DIAPH2: variants seen among roughly 807,000 people sequenced by gnomAD.
DIAPH2 encodes protein diaphanous homolog 2.
A neutral mutation model predicts 92.7 loss-of-function variants in DIAPH2; 35 were observed. That is an observed-to-expected ratio of 0.38 (90% CI 0.29 to 0.50). DIAPH2 has a LOEUF of 0.50. DIAPH2 is among the 20% of genes least tolerant of loss of function. The probability of loss-of-function intolerance (pLI) is 0.94; values close to 1 mark genes in which losing one functional copy is unlikely to be tolerated. For synonymous variants in DIAPH2, 301 were observed against 280.4 expected (o/e 1.07, Z -0.73); for missense variants, 701 against 819.5 (o/e 0.86, Z 1.77).
chrX:97,102,547 T>G (rs1199045661), intron 20 of DIAPH2, among the ~76,000 whole-genome samples: 1 of 112,243 alleles, frequency 8.9e-6, no homozygotes, highest in Non-Finnish European at 1.9e-5. Context: ...TATTGAGGAC[T>G]TAATTTGTCA....
intron 26 of DIAPH2, chrX:97,431,497 G>A (rs2070126524): frequency 8.9e-6 from 1 of 112,230 alleles, no homozygotes; most frequent in Non-Finnish European, 1.9e-5. Flanking sequence ...CTGTGAGTTT[G>A]GTACTCAAGG....
In DIAPH2 at chrX:97,429,633, T is replaced by C; in HGVS notation, c.3146-17T>C. 1.7e-6 allele frequency: 2 copies of C among 1,199,650 alleles called. No homozygotes were observed. Among genetic ancestry groups the C allele is most frequent in the Admixed American group, 2.3e-5 (1 of 43,241 alleles). ...TTAATTGCTCCAAGATTAATTCTGA[T>C]TTCTCCCTTTCTCCAGAGGGTGATG... On this transcript the variant is annotated splice_polypyrimidine_tract_variant and intron_variant, in intron 25 of 26. Coordinates refer to ENST00000324765, the MANE Select transcript of DIAPH2 (RefSeq NM_006729.5).
At chrX:97,465,034 A>T (rs2070497788) in intron 26 of DIAPH2, among the ~76,000 whole-genome samples, 1 of 110,734 alleles carries the variant, frequency 9.0e-6, no homozygotes, top group African/African-American at 3.3e-5. Context: ...TTTAGTAGAG[A>T]CAGGGTTTCT....
At chrX:97,355,243 G>T (rs1025511532) in intron 24 of DIAPH2, among the ~76,000 whole-genome samples, 3 of 111,160 alleles carry the variant, frequency 2.7e-5, no homozygotes, top group Admixed American at 9.6e-5. Flanking sequence ...AGGCTTGAAA[G>T]ACTAAATTGA....
intron 3 of DIAPH2, among the ~76,000 whole-genome samples, chrX:96,744,027 A>G (rs1237064932): frequency 8.9e-6 from 1 of 112,080 alleles, no homozygotes. Context: ...GTATAATATA[A>G]TAGGATATCA....
chrX:97,061,103 A>G (rs2066594310), intron 17 of DIAPH2, among the ~76,000 whole-genome samples: 1 of 112,514 alleles, frequency 8.9e-6, no homozygotes, highest in African/African-American at 3.2e-5. Context: ...GACTCCATTT[A>G]CTTTGATAAA....
At chrX:96,917,410 A>G (rs1317259832) in intron 8 of DIAPH2, among the ~76,000 whole-genome samples, 3 of 111,384 alleles carry the variant, frequency 2.7e-5, no homozygotes, top group Non-Finnish European at 5.7e-5. Context: ...CAAAAGACAA[A>G]CACTAAACAA....
chrX:97,018,190 TA>T (rs1179226024), intron 17 of DIAPH2, among the ~76,000 whole-genome samples: 1 of 112,409 alleles, frequency 8.9e-6, no homozygotes. Context: ...TTATTTTAAA[TA>T]AAGTGCAGCT....
chrX:96,900,412 G>A (rs1056991592), intron 5 of DIAPH2, among the ~76,000 whole-genome samples: 5 of 111,108 alleles, frequency 4.5e-5, no homozygotes, highest in Admixed American at 1.9e-4. Flanking sequence ...CATATCATCA[G>A]CAAACAGTAA....
At chrX:97,301,150 CAAAAA>C (rs1220185711) in intron 23 of DIAPH2, among the ~76,000 whole-genome samples, 1 of 32,278 alleles carries the variant, frequency 3.1e-5, no homozygotes, top group African/African-American at 1.1e-4. Flanking sequence ...GACTCCGTCT[CAAAAA>C]AAAAAAAAAA....
intron 1 of DIAPH2, among the ~76,000 whole-genome samples, chrX:96,722,434 T>C (rs1332493266): frequency 1.8e-5 from 2 of 111,529 alleles, no homozygotes; most frequent in African/African-American, 6.5e-5. Flanking sequence ...CTTGTCCCTG[T>C]TTCCTTCCCT....
chrX:97,137,270 CATATATATATATATATATATATAT>C (rs57799375), intron 21 of DIAPH2, among the ~76,000 whole-genome samples: 2 of 68,264 alleles, frequency 2.9e-5, no homozygotes, highest in African/African-American at 1.3e-4. Context: ...CGCAGTTATA[CATATATATATATATATATATATAT>C]ATATATATGT....
intron 17 of DIAPH2, among the ~76,000 whole-genome samples, chrX:96,992,313 A>G (rs1277083296): frequency 9.0e-6 from 1 of 111,669 alleles, no homozygotes; most frequent in Non-Finnish European, 1.9e-5. Context: ...TGAAAAGGTG[A>G]TTGGGCAAAG....
intron 17 of DIAPH2, among the ~76,000 whole-genome samples, chrX:97,018,179 A>C (rs1250696007): frequency 8.9e-6 from 1 of 112,225 alleles, no homozygotes; most frequent in Non-Finnish European, 1.9e-5. Flanking sequence ...CAGTTGATTA[A>C]TTATTTTAAA....
chrX:97,323,947 G>T (rs2068928963), intron 23 of DIAPH2, among the ~76,000 whole-genome samples: 1 of 108,641 alleles, frequency 9.2e-6, no homozygotes, highest in Non-Finnish European at 1.9e-5. Flanking sequence ...AGAAAAAGAG[G>T]CTCTTTATAG....
chrX:97,278,954 C>A (rs1728502261), intron 23 of DIAPH2, among the ~76,000 whole-genome samples: 1 of 112,309 alleles, frequency 8.9e-6, no homozygotes, highest in African/African-American at 3.2e-5. Flanking sequence ...AAGCAGTTCA[C>A]CTCTCTAGAC....
chrX:97,253,079 A>G (rs1160712085), intron 23 of DIAPH2, among the ~76,000 whole-genome samples: 1 of 110,517 alleles, frequency 9.0e-6, no homozygotes, highest in Non-Finnish European at 1.9e-5. Flanking sequence ...ACCTGAGGTC[A>G]GGAGTTCAAG....
chrX:97,476,362 G>A (rs2070603192), intron 26 of DIAPH2, among the ~76,000 whole-genome samples: 1 of 111,965 alleles, frequency 8.9e-6, no homozygotes, highest in Non-Finnish European at 1.9e-5. Flanking sequence ...TAAAAAATGA[G>A]TGAAGTTCAG....
chrX:97,412,135 T>C (rs1255338118), intron 25 of DIAPH2, among the ~76,000 whole-genome samples: 1 of 111,808 alleles, frequency 8.9e-6, no homozygotes, highest in African/African-American at 3.3e-5. Flanking sequence ...TATTCCAAAA[T>C]TGACCACATA....
Sources: gnomAD v4.1 joint callset for allele counts (sites outside exome capture counted in the v4.1 genomes callset) on GRCh38, gnomAD v4.1.1 for gene constraint, MANE v1.5 for transcripts, NCBI Gene and HGNC (gene_info 2026-07-23, HGNC 2026-07-21) for gene names.